CHN2: variants seen among roughly 807,000 people sequenced by gnomAD.
The protein encoded by CHN2 is chimerin 2.
Under a neutral mutation model 56.3 loss-of-function variants are expected in CHN2, and 35 were observed. That is an observed-to-expected ratio of 0.62 (90% CI 0.47 to 0.82). CHN2 has a LOEUF of 0.82. Among genes scored for constraint, CHN2 ranks in the 40% least tolerant of loss-of-function variants. The pLI, the probability that CHN2 is intolerant of heterozygous loss-of-function variation, is 0.00. For missense variants in CHN2, 491 were observed against 580.5 expected (o/e 0.85, Z 1.58); for synonymous variants, 210 against 212.8 (o/e 0.99, Z 0.12).
rs368854607 is a variant in CHN2 at position 29,389,049 on chromosome 7, G to A, written c.145-4630G>A. ...CTGCCAAGTTCCCATTGCTCAGAGC[G>A]TGTTGGGAACGTCTCTTCTAAAATT... On this transcript the variant is annotated intron_variant, in intron 3 of 12. Coordinates refer to ENST00000222792, the MANE Select transcript of CHN2 (RefSeq NM_004067.4). Among the ~76,000 whole-genome samples, 272 of 152,268 alleles carry A rather than the reference G, an allele frequency of 1.8e-3. 1 individual carries two copies. Among genetic ancestry groups the A allele is most frequent in the South Asian group, 6.2e-3 (30 of 4,830 alleles).
At chr7:29,242,571 G>A (rs1170267375) in intron 1 of CHN2, among the ~76,000 whole-genome samples, 1 of 151,560 alleles carries the variant, frequency 6.6e-6, no homozygotes, top group Non-Finnish European at 1.5e-5. Flanking sequence ...GGGTTCAGGT[G>A]GATAGGCTCT....
intron 2 of CHN2, among the ~76,000 whole-genome samples, chr7:29,159,218 C>G (rs1182969470): frequency 1.3e-5 from 2 of 152,158 alleles, no homozygotes. Flanking sequence ...TGAGATGGAC[C>G]TTGAAAATTA....
At chr7:29,413,262 C>CT (rs1356817741) in intron 6 of CHN2, among the ~76,000 whole-genome samples, 1 of 152,130 alleles carries the variant, frequency 6.6e-6, no homozygotes, top group Non-Finnish European at 1.5e-5. Flanking sequence ...TCTCAAGTGA[C>CT]TCATTGGTTT....
At chr7:29,287,378 C>G (rs556836773) in intron 1 of CHN2, among the ~76,000 whole-genome samples, 71 of 152,156 alleles carry the variant, frequency 4.7e-4, no homozygotes, top group Non-Finnish European at 8.2e-4. Context: ...TGACTACATT[C>G]TAGACTCAGC....
chr7:29,246,875 C>T (rs1039626867), intron 1 of CHN2, among the ~76,000 whole-genome samples: 3 of 152,170 alleles, frequency 2.0e-5, no homozygotes, highest in Non-Finnish European at 4.4e-5. Context: ...GAAGGGCCAG[C>T]TCTCATGAAC....
At chr7:29,345,972 G>A (rs982274364) in intron 1 of CHN2, among the ~76,000 whole-genome samples, 5 of 152,076 alleles carry the variant, frequency 3.3e-5, no homozygotes, top group South Asian at 2.1e-4. Context: ...AGAAAAATCC[G>A]TGCTATGAGT....
At chr7:29,505,823 C>T (rs1015741347) in intron 10 of CHN2, among the ~76,000 whole-genome samples, 1 of 152,190 alleles carries the variant, frequency 6.6e-6, no homozygotes. Flanking sequence ...TGTTGGTTGG[C>T]AGAGAGTATC....
chr7:29,340,692 T>G (rs756059470), intron 1 of CHN2, among the ~76,000 whole-genome samples: 11 of 152,172 alleles, frequency 7.2e-5, no homozygotes. Context: ...TAGGACAAGA[T>G]AGAGGACAGG....
intron 2 of CHN2, among the ~76,000 whole-genome samples, chr7:29,179,478 TC>T (rs1176932145): frequency 6.6e-6 from 1 of 152,090 alleles, no homozygotes; most frequent in African/African-American, 2.4e-5. Context: ...TGCTAGAAAA[TC>T]CAGGAACCCA....
At chr7:29,214,267 G>A (rs1286015521) in intron 1 of CHN2, among the ~76,000 whole-genome samples, 5 of 152,126 alleles carry the variant, frequency 3.3e-5, no homozygotes, top group African/African-American at 1.2e-4. Context: ...CAGTGACTTA[G>A]CATGGTTACT....
In CHN2 at chr7:29,362,268, C is replaced by T. The variant is rs534255971; in HGVS notation, c.89-5664C>T. On this transcript the variant is annotated intron_variant, in intron 2 of 12. Coordinates refer to ENST00000222792, the MANE Select transcript of CHN2 (RefSeq NM_004067.4). ...AGGCAATGAATCTTCATTTCATCCT[C>T]TGATCTGTGTGACCTTGAGCATCTT... Among the ~76,000 whole-genome samples, 103 of 152,328 alleles carry T rather than the reference C, an allele frequency of 6.8e-4. No individual in the cohort carries two copies. The South Asian group carries it at 8.5e-3, about 13-fold the overall frequency.
chr7:29,170,396 A>G (rs1300486566), intron 2 of CHN2, among the ~76,000 whole-genome samples: 1 of 152,290 alleles, frequency 6.6e-6, no homozygotes, highest in South Asian at 2.1e-4. Flanking sequence ...ACATTGTTCC[A>G]TTTGATGCCA....
At chr7:29,264,738 C>A (rs1336555653) in intron 1 of CHN2, among the ~76,000 whole-genome samples, 1 of 151,970 alleles carries the variant, frequency 6.6e-6, no homozygotes, top group Non-Finnish European at 1.5e-5. Context: ...GTCTGCTGAC[C>A]TTCCCTCCAC....
intron 3 of CHN2, among the ~76,000 whole-genome samples, chr7:29,390,682 G>A (rs568182052): frequency 7.2e-5 from 11 of 152,336 alleles, no homozygotes; most frequent in Admixed American, 1.3e-4. Flanking sequence ...CAGAAATTGA[G>A]TTACAGTTTC....
intron 1 of CHN2, among the ~76,000 whole-genome samples, chr7:29,221,432 C>G (rs913743963): frequency 6.6e-6 from 1 of 152,056 alleles, no homozygotes. Context: ...GTTAAAAAAT[C>G]AAGTACCTAG....
At chr7:29,386,996 G>T (rs1233223909) in intron 3 of CHN2, among the ~76,000 whole-genome samples, 3 of 152,242 alleles carry the variant, frequency 2.0e-5, no homozygotes, top group Non-Finnish European at 2.9e-5. Context: ...TGGAGAAGGA[G>T]TGAAGCACAG....
intron 1 of CHN2, among the ~76,000 whole-genome samples, chr7:29,221,673 C>T (rs1267997024): frequency 6.6e-6 from 1 of 152,186 alleles, no homozygotes; most frequent in Non-Finnish European, 1.5e-5. Flanking sequence ...AATGTGTTCT[C>T]ATTGTTCAGC....
intron 1 of CHN2, among the ~76,000 whole-genome samples, chr7:29,255,791 T>C (rs1419441349): frequency 6.6e-6 from 1 of 152,248 alleles, no homozygotes; most frequent in African/African-American, 2.4e-5. Context: ...ACTGACATCA[T>C]TTCTCTCTTT....
rs749541797 is a variant in CHN2 at position 29,401,035 on chromosome 7, G to T, written c.576+207G>T. The T allele has an allele frequency of 8.9e-6, 5 of 564,654 alleles. No individual in the cohort carries two copies. In the Admixed American group the frequency reaches 1.6e-4, roughly 18 times the overall value. 35.0% of individuals were successfully genotyped at this position (564,654 alleles called of 1,614,324 possible). The stretch of plus-strand genomic sequence containing the variant: ...ATGCCTGTAATCTCTTTGGGAGGCC[G>T]AGGCAGGTGGATCACGAGGTCAGGA... On this transcript the variant is annotated intron_variant, in intron 6 of 12. Coordinates refer to ENST00000222792, the MANE Select transcript of CHN2 (RefSeq NM_004067.4).
Sources: gnomAD v4.1 joint callset for allele counts (sites outside exome capture counted in the v4.1 genomes callset) on GRCh38, gnomAD v4.1.1 for gene constraint, MANE v1.5 for transcripts, NCBI Gene and HGNC (gene_info 2026-07-23, HGNC 2026-07-21) for gene names.